The following TBC1D1 variants were observed in gnomAD, a reference collection of about 807,000 sequenced individuals.
The protein encoded by TBC1D1 is TBC1 (tre-2/USP6, BUB2, cdc16) domain family, member 1.
Under a neutral mutation model 125.6 loss-of-function variants are expected in TBC1D1, and 89 were observed. The ratio of observed to expected loss-of-function variants is 0.71; its 90% CI spans 0.60 to 0.85. The LOEUF is 0.85. Ranked by LOEUF, TBC1D1 falls within the 40% of genes least tolerant of loss-of-function variation. The probability of loss-of-function intolerance (pLI) is 0.00; values close to 1 mark genes in which losing one functional copy is unlikely to be tolerated. For missense variants in TBC1D1, 1,377 were observed against 1,469.2 expected (o/e 0.94, Z 1.03); for synonymous variants, 565 against 564.1 (o/e 1.00, Z -0.02).
chr4:38,031,169 T>C (rs573600686), intron 7 of TBC1D1, among the ~76,000 whole-genome samples: 2 of 152,394 alleles, frequency 1.3e-5, no homozygotes, highest in South Asian at 4.1e-4. Context: ...AGAATTGCTG[T>C]GAAGCCAATG....
At chr4:37,901,450 C>A (rs932415149) in intron 1 of TBC1D1, among the ~76,000 whole-genome samples, 10 of 152,156 alleles carry the variant, frequency 6.6e-5, no homozygotes, top group Non-Finnish European at 1.0e-4. Flanking sequence ...AGCCACTGCA[C>A]CTGGCCTAAC....
At chr4:38,096,636 C>G (rs148072007) in intron 14 of TBC1D1, among the ~76,000 whole-genome samples, 2 of 152,178 alleles carry the variant, frequency 1.3e-5, no homozygotes, top group African/African-American at 4.8e-5. Flanking sequence ...CCTTAGAGAG[C>G]GGGCAGGATT....
intron 2 of TBC1D1, among the ~76,000 whole-genome samples, chr4:37,922,410 G>A (rs1721199528): frequency 6.6e-6 from 1 of 152,190 alleles, no homozygotes. Context: ...TAACTACAAG[G>A]TGGAGACACT....
intron 14 of TBC1D1, among the ~76,000 whole-genome samples, chr4:38,100,368 A>C (rs928940438): frequency 1.3e-5 from 2 of 152,138 alleles, no homozygotes; most frequent in African/African-American, 4.8e-5. Context: ...TCAGCTTCCT[A>C]GACTTGTGGT....
intron 15 of TBC1D1, chr4:38,110,450 G>C (rs1282649523): frequency 1.0e-6 from 1 of 985,302 alleles, no homozygotes; most frequent in Non-Finnish European, 1.2e-6. Flanking sequence ...GGAAAAGATT[G>C]ATCCTGGAAG....
At chr4:38,131,176 T>TA (rs1765527215) in intron 18 of TBC1D1, among the ~76,000 whole-genome samples, 1 of 152,180 alleles carries the variant, frequency 6.6e-6, no homozygotes, top group African/African-American at 2.4e-5. Context: ...TGGAAGAGTT[T>TA]ATGGCTTTGG....
Position 38,064,463 on chromosome 4 carries a change from G to A in TBC1D1, c.2050+10125G>A, listed in dbSNP as rs1578508262. On this transcript the variant is annotated intron_variant, in intron 12 of 19. Transcript: ENST00000261439. Reference sequence around the variant, plus strand: ...GCAGGCTGCCATGTGCCTTTCTTCTGCCTAGGCTGAAACGGAGGCTGCCCT... The same window carrying A: ...GCAGGCTGCCATGTGCCTTTCTTCTACCTAGGCTGAAACGGAGGCTGCCCT... 2.0e-5 allele frequency among the ~76,000 whole-genome samples: 3 copies of A among 152,100 alleles called. No individual in the cohort carries two copies. The East Asian group carries it at 5.8e-4, about 29-fold the overall frequency.
chr4:38,009,639 C>T (rs997847510), intron 2 of TBC1D1, among the ~76,000 whole-genome samples: 7 of 152,142 alleles, frequency 4.6e-5, no homozygotes, highest in African/African-American at 1.7e-4. Context: ...CATTATCTGG[C>T]TACATATGAA....
intron 7 of TBC1D1, among the ~76,000 whole-genome samples, chr4:38,031,478 G>A (rs892826371): frequency 1.3e-5 from 2 of 152,290 alleles, no homozygotes; most frequent in African/African-American, 4.8e-5. Flanking sequence ...ATGTTAGACT[G>A]TAGTGTCCAA....
At position 37,995,860 on chromosome 4, in the gene TBC1D1, A is replaced by G; in HGVS notation, c.418-18649A>G. ...TGGATCCATGTGATCACCAGAATGC[A>G]TTTCTCTTTGAGAATCCAGACTTCT... On this transcript the variant is annotated intron_variant, in intron 2 of 19. Transcript: ENST00000261439. The surrounding 1 kb of genome is among the most constrained non-coding windows in gnomAD (Gnocchi z 4.3). 3.5e-6 allele frequency: 2 copies of G among 578,472 alleles called. No homozygotes were observed. The highest frequency in any genetic ancestry group is 1.9e-5 in the Admixed American group (1 of 52,836). The allele number at this position is 578,472 out of a possible 1,614,324, so 35.8% of individuals were successfully genotyped here. A position where few individuals can be genotyped will look rare whatever the true frequency, so the allele number is the denominator to read the frequency against.
At chr4:38,077,113 T>C (rs1276026987) in intron 12 of TBC1D1, among the ~76,000 whole-genome samples, 1 of 152,228 alleles carries the variant, frequency 6.6e-6, no homozygotes, top group African/African-American at 2.4e-5. Context: ...GGATGATAGC[T>C]CTTAATGAGG....
At chr4:38,067,474 C>G (rs557288595) in intron 12 of TBC1D1, among the ~76,000 whole-genome samples, 7 of 152,326 alleles carry the variant, frequency 4.6e-5, no homozygotes, top group African/African-American at 1.4e-4. Flanking sequence ...CTTCTTCTTA[C>G]TGGTACCAGC....
At chr4:37,945,376 G>T (rs111236655) in intron 2 of TBC1D1, among the ~76,000 whole-genome samples, 13,137 of 151,630 alleles carry the variant, frequency 0.087, 796 homozygotes, top group Admixed American at 0.18. Context: ...AGCTGAACAT[G>T]GTGGTGCACA....
intron 18 of TBC1D1, among the ~76,000 whole-genome samples, chr4:38,128,638 G>A (rs1765054586): frequency 1.3e-5 from 2 of 152,184 alleles, no homozygotes; most frequent in Admixed American, 1.3e-4. Flanking sequence ...GATCCTGGGT[G>A]GAAGAGGTGG....
rs573613576 is a variant in TBC1D1, at chr4:37,911,401, G to A, written c.417+8889G>A. Among the ~76,000 whole-genome samples, 313 of 152,266 alleles carry A rather than the reference G, an allele frequency of 2.1e-3. 3 individuals are homozygous for A. Among genetic ancestry groups the A allele is most frequent in the African/African-American group, 7.1e-3 (294 of 41,540 alleles). ...TCAACCCACAACCACAGAAGGTGCC[G>A]TGCCGGGCTAGCCTGGCACTGGGAA... is the stretch of plus-strand genomic sequence containing the variant. On this transcript the variant is annotated intron_variant, in intron 2 of 19. Transcript: ENST00000261439.
At chr4:37,992,578 T>G (rs1176651239) in intron 2 of TBC1D1, among the ~76,000 whole-genome samples, 1 of 143,332 alleles carries the variant, frequency 7.0e-6, no homozygotes, top group African/African-American at 2.6e-5. Flanking sequence ...CACTGCAAGC[T>G]CCGCCTCCCG....
At chr4:37,958,657 T>C (rs1260514568) in intron 2 of TBC1D1, among the ~76,000 whole-genome samples, 1 of 152,206 alleles carries the variant, frequency 6.6e-6, no homozygotes, top group Non-Finnish European at 1.5e-5. Flanking sequence ...ATATATGACA[T>C]CTTTTACTTT....
chr4:38,018,530 G>T (rs1743304511), intron 4 of TBC1D1, 87 bp downstream of exon 4: 2 of 852,658 alleles, frequency 2.3e-6, no homozygotes, highest in South Asian at 3.4e-5. Context: ...AATGCTAAAG[G>T]TTACAAGGTG....
At chr4:38,002,844 C>G (rs1298021491) in intron 2 of TBC1D1, among the ~76,000 whole-genome samples, 1 of 152,180 alleles carries the variant, frequency 6.6e-6, no homozygotes, top group African/African-American at 2.4e-5. Flanking sequence ...AATGGAGTCA[C>G]TTATGCTAAA....
Sources: allele counts gnomAD v4.1 joint callset (sites outside exome capture counted in the v4.1 genomes callset), GRCh38; gene constraint gnomAD v4.1.1; non-coding constraint Gnocchi (gnomAD v3.1); transcripts MANE v1.5; gene names NCBI Gene and HGNC (gene_info 2026-07-23, HGNC 2026-07-21).